The following FAXC variants were observed in gnomAD, a reference collection of about 807,000 sequenced individuals.
FAXC encodes the protein failed axon connections homolog.
A neutral mutation model predicts 41.9 loss-of-function variants in FAXC; 10 were observed. That is an observed-to-expected ratio of 0.24 (90% confidence interval 0.15 to 0.41). The LOEUF is 0.41. FAXC is among the 10% of genes least tolerant of loss of function. The pLI, the probability that FAXC is intolerant of heterozygous loss-of-function variation, is 1.00. For missense variants in FAXC, 399 were observed against 510.9 expected (o/e 0.78, Z 2.11); for synonymous variants, 183 against 183.8 (o/e 1.00, Z 0.03).
At chr6:99,314,714 G>A (rs2128457462) in intron 4 of FAXC, among the ~76,000 whole-genome samples, 1 of 152,256 alleles carries the variant, frequency 6.6e-6, no homozygotes, top group Non-Finnish European at 1.5e-5. Flanking sequence ...TGTGAGCTCA[G>A]CCCCTGCCAC....
At position 99,280,722 on chromosome 6, in the gene FAXC, G is replaced by T. The variant is rs1770796711; in HGVS notation, c.*442C>A. On this transcript the variant is annotated 3_prime_UTR_variant, in exon 6 of 6. Coordinates refer to ENST00000389677, the MANE Select transcript of FAXC (RefSeq NM_032511.4). ...TCAACATACAATATACACACATAAA[G>T]TACAAGCAGCCACCGTAAAACATTT... The T allele has an allele frequency of 5.2e-6, 1 of 190,936 alleles. No homozygotes were observed. The highest frequency in any genetic ancestry group is 1.1e-5 in the Non-Finnish European group (1 of 91,212). 11.8% of individuals were successfully genotyped at this position (190,936 alleles called of 1,614,324 possible). A position where few individuals can be genotyped will look rare whatever the true frequency, so the allele number is the denominator to read the frequency against.
At chr6:99,346,566 G>T (rs9483801) in intron 1 of FAXC, among the ~76,000 whole-genome samples, 128,309 of 149,130 alleles carry the variant, frequency 0.86, 55,569 homozygotes, top group East Asian at 1. Context: ...TTTTTGTGGG[G>T]TTTTTTTGTT....
intron 2 of FAXC, among the ~76,000 whole-genome samples, chr6:99,337,412 A>C (rs1282553124): frequency 3.9e-5 from 6 of 152,250 alleles, no homozygotes; most frequent in African/African-American, 1.4e-4. Context: ...TATGCTTCTT[A>C]TACAACTACT....
intron 1 of FAXC, among the ~76,000 whole-genome samples, chr6:99,347,111 A>T (rs1773624880): frequency 6.6e-6 from 1 of 152,046 alleles, no homozygotes. Flanking sequence ...AAAAGTTAAA[A>T]AAAAAATTAG....
At chr6:99,337,348 G>C (rs542794623) in intron 2 of FAXC, among the ~76,000 whole-genome samples, 32 of 152,044 alleles carry the variant, frequency 2.1e-4, no homozygotes, top group African/African-American at 7.5e-4. Context: ...CAGCTCCAAA[G>C]GAAACATTTT....
intron 4 of FAXC, among the ~76,000 whole-genome samples, chr6:99,299,321 A>G (rs1207689530): frequency 6.6e-6 from 1 of 152,154 alleles, no homozygotes. Flanking sequence ...TAAATTTCCA[A>G]ACTCTATAAG....
intron 4 of FAXC, among the ~76,000 whole-genome samples, chr6:99,307,463 C>T (rs12202790): frequency 0.048 from 7,363 of 152,108 alleles, 209 homozygotes; most frequent in Non-Finnish European, 0.059. Flanking sequence ...GGGGATACTA[C>T]GGAGAGAGTG....
chr6:99,329,402 T>C (rs938333128), intron 3 of FAXC, among the ~76,000 whole-genome samples: 1 of 152,186 alleles, frequency 6.6e-6, no homozygotes, highest in Non-Finnish European at 1.5e-5. Context: ...TGGCCCGTGA[T>C]AGAAATGAAT....
At chr6:99,335,396 G>A (rs539654504) in intron 2 of FAXC, among the ~76,000 whole-genome samples, 4 of 152,224 alleles carry the variant, frequency 2.6e-5, no homozygotes, top group African/African-American at 7.2e-5. Context: ...CCTATCCTAC[G>A]TAACTGTTGG....
intron 2 of FAXC, among the ~76,000 whole-genome samples, chr6:99,338,111 C>T (rs755828301): frequency 1.3e-5 from 2 of 152,198 alleles, no homozygotes; most frequent in African/African-American, 4.8e-5. Flanking sequence ...ACACAGCATC[C>T]CTTTCTAAAC....
chr6:99,281,220 G>GT lies in FAXC; in HGVS notation c.1173dup (p.Leu392ThrfsTer3). 6.2e-7 allele frequency: 1 copy of GT among 1,601,572 alleles called. No individual in the cohort carries two copies. Among genetic ancestry groups the GT allele is most frequent in the Non-Finnish European group, 8.6e-7 (1 of 1,168,502 alleles). On this transcript the variant is annotated frameshift_variant, in exon 6 of 6. Transcript: ENST00000389677. LOFTEE classifies it high-confidence loss of function. ...TCCATGTCCACATCCGAATCAAAGA[G>GT]TGAGTGTCCAGTAAAATCTGTGTCT...
intron 5 of FAXC, among the ~76,000 whole-genome samples, chr6:99,289,153 T>C (rs1174387675): frequency 6.6e-6 from 1 of 152,152 alleles, no homozygotes; most frequent in Non-Finnish European, 1.5e-5. Flanking sequence ...TTTTGATTAA[T>C]TCTTGTCAAC....
rs73499505 is a variant in FAXC, at chr6:99,341,677, T to C, written c.402+1221A>G. Among the ~76,000 whole-genome samples the C allele has an allele frequency of 1.6e-3, 245 of 152,292 alleles. 1 individual carries two copies. Among genetic ancestry groups the C allele is most frequent in the African/African-American group, 5.8e-3 (243 of 41,574 alleles). ...ACAGATACACTTGAATATTTTAACA[T>C]GCTCCTTTCAGACAAAAAAATAAGC... On this transcript the variant is annotated intron_variant, in intron 2 of 5. Transcript: ENST00000389677.
chr6:99,330,142 G>A (rs1350986983), intron 3 of FAXC, among the ~76,000 whole-genome samples: 1 of 151,948 alleles, frequency 6.6e-6, no homozygotes, highest in Non-Finnish European at 1.5e-5. Context: ...TTACAAGCAC[G>A]AGCCACCACG....
rs1303523222 is a variant in FAXC at position 99,279,905 on chromosome 6, TTTGATACAAGTATCCTC to T, written c.*1242_*1258del. On this transcript the variant is annotated 3_prime_UTR_variant, in exon 6 of 6. Coordinates refer to ENST00000389677, the MANE Select transcript of FAXC (RefSeq NM_032511.4). ...TATAGTCTAACACTGCACAGAGTGC[TTTGATACAAGTATCCTC>T]TTGCTACTTCATCTTTTCAATACAT... The T allele has an allele frequency of 6.6e-6, 1 of 152,240 alleles. No homozygotes were observed. Among genetic ancestry groups the T allele is most frequent in the Non-Finnish European group, 1.5e-5 (1 of 68,040 alleles). 9.4% of individuals were successfully genotyped at this position (152,240 alleles called of 1,614,324 possible).
In FAXC at chr6:99,323,675, T is replaced by C. The variant is rs371774826; in HGVS notation, c.600-8A>G. On this transcript the variant is annotated splice_polypyrimidine_tract_variant and splice_region_variant and intron_variant, in intron 3 of 5. Coordinates refer to ENST00000389677, the MANE Select transcript of FAXC (RefSeq NM_032511.4). ...TGGCAATAAGCTAATGTCCTGGAAT[T>C]GTGTGGAAACAAGTTACTACTGTGC... 9.3e-5 allele frequency: 149 copies of C among 1,610,166 alleles called. 1 individual carries two copies. Among genetic ancestry groups the C allele is most frequent in the Admixed American group, 3.8e-4 (23 of 59,984 alleles).
At chr6:99,300,509 C>T (rs221577) in intron 4 of FAXC, among the ~76,000 whole-genome samples, 3 of 152,212 alleles carry the variant, frequency 2.0e-5, no homozygotes, top group African/African-American at 7.2e-5. Context: ...ATCAGCCTTC[C>T]TGGTTCTCTC....
chr6:99,290,646 G>A (rs918620670), intron 5 of FAXC, among the ~76,000 whole-genome samples: 2 of 151,204 alleles, frequency 1.3e-5, no homozygotes, highest in African/African-American at 4.9e-5. Context: ...AGGTTGTAGT[G>A]AGCCAAGATT....
chr6:99,338,802 T>C (rs1466487083), intron 2 of FAXC, among the ~76,000 whole-genome samples: 1 of 152,200 alleles, frequency 6.6e-6, no homozygotes, highest in African/African-American at 2.4e-5. Flanking sequence ...GTTTCTTCCA[T>C]TGCTGTCTTA....
Sources: gnomAD v4.1 joint callset for allele counts (sites outside exome capture counted in the v4.1 genomes callset) on GRCh38, gnomAD v4.1.1 for gene constraint, MANE v1.5 for transcripts, NCBI Gene and HGNC (gene_info 2026-07-23, HGNC 2026-07-21) for gene names.